The following DNAJB6 variants were observed in gnomAD, a reference collection of about 807,000 sequenced individuals.
DNAJB6 encodes the protein DnaJ heat shock protein family (Hsp40) member B6, also known as dnaJ homolog subfamily B member 6.
In DNAJB6, 16 loss-of-function variants were observed where a neutral mutation model predicts 42.7. That is an observed-to-expected ratio of 0.37 (90% CI 0.25 to 0.57). DNAJB6 has a LOEUF of 0.57. Ranked by LOEUF, DNAJB6 falls within the 20% of genes least tolerant of loss-of-function variation. The probability of loss-of-function intolerance (pLI) is 0.74; values close to 1 mark genes in which losing one functional copy is unlikely to be tolerated. For missense variants in DNAJB6, 347 were observed against 416.8 expected, an observed-to-expected ratio of 0.83 and a Z score of 1.46; for synonymous variants, 170 against 163.5, an observed-to-expected ratio of 1.04 and a Z score of -0.30.
At chr7:157,356,363 G>A (rs1263813364) in intron 1 of DNAJB6, among the ~76,000 whole-genome samples, 3 of 152,212 alleles carry the variant, frequency 2.0e-5, no homozygotes, top group Admixed American at 2.0e-4. Context: ...TGCCTGCTCT[G>A]TCTTGTGTGC....
At chr7:157,361,618 A>C (rs955482274) in intron 2 of DNAJB6, among the ~76,000 whole-genome samples, 1 of 152,230 alleles carries the variant, frequency 6.6e-6, no homozygotes, top group Admixed American at 6.5e-5. Flanking sequence ...CCTAGTGTTA[A>C]AAGCACTGTC....
At chr7:157,374,731 A>C (rs994779203) in intron 5 of DNAJB6, among the ~76,000 whole-genome samples, 1 of 152,206 alleles carries the variant, frequency 6.6e-6, no homozygotes, top group African/African-American at 2.4e-5. Context: ...GGTCATTTTG[A>C]GAATTTTCTG....
intron 5 of DNAJB6, among the ~76,000 whole-genome samples, chr7:157,374,392 G>A (rs867379281): frequency 6.6e-6 from 1 of 151,966 alleles, no homozygotes; most frequent in Non-Finnish European, 1.5e-5. Context: ...CCCAAGTAGC[G>A]GGGATTACAG....
At chr7:157,408,176 T>C (rs1321889410) in intron 8 of DNAJB6, among the ~76,000 whole-genome samples, 4 of 152,130 alleles carry the variant, frequency 2.6e-5, no homozygotes, top group African/African-American at 9.7e-5. Flanking sequence ...GGTGCAGCCA[T>C]CTCAGCAGGG....
intron 2 of DNAJB6, among the ~76,000 whole-genome samples, chr7:157,361,303 C>T (rs769093373): frequency 2.0e-5 from 3 of 151,920 alleles, no homozygotes; most frequent in Non-Finnish European, 2.9e-5. Flanking sequence ...GAACTGCAGG[C>T]GCCTGCCATG....
intron 5 of DNAJB6, among the ~76,000 whole-genome samples, chr7:157,369,973 T>TAACATTATTATTAAACAGGCCCCTTCTC (rs1800089943): frequency 2.7e-5 from 4 of 147,498 alleles, no homozygotes; most frequent in African/African-American, 1.0e-4. Context: ...GGCCCTTTCT[T>TAACATTATTATTAAACAGGCCCCTTCTC]AACATTATTA....
At chr7:157,384,523 A>C (rs138309838) in intron 6 of DNAJB6, among the ~76,000 whole-genome samples, 14 of 152,212 alleles carry the variant, frequency 9.2e-5, no homozygotes, top group Admixed American at 9.2e-4. Context: ...TCACATTAAC[A>C]CAACACGTGC....
intron 9 of DNAJB6, chr7:157,410,382 G>A (rs2116654916): frequency 2.6e-6 from 1 of 389,656 alleles, no homozygotes; most frequent in Non-Finnish European, 4.5e-6. Context: ...TGGGGTCTGC[G>A]TTTGCCCCTG....
rs536985328 is a variant in DNAJB6 at position 157,396,122 on chromosome 7, C to T, written c.691+10511C>T. Among the ~76,000 whole-genome samples the T allele has an allele frequency of 1.2e-4, 18 of 151,152 alleles. No individual in the cohort carries two copies. The South Asian group carries it at 2.3e-3, about 19-fold the overall frequency. The stretch of plus-strand genomic sequence containing the variant: ...GCCACCACGCCCAGCTAATATTTTG[C>T]ATTTTTAGGAGAGACAGAGTTTCAC... On this transcript the variant is annotated intron_variant, in intron 8 of 9. Transcript: ENST00000262177.
intron 8 of DNAJB6, among the ~76,000 whole-genome samples, chr7:157,407,432 A>G (rs1275555168): frequency 2.3e-4 from 35 of 152,280 alleles, no homozygotes; most frequent in Non-Finnish European, 5.9e-5. Flanking sequence ...TTTTTCTCAA[A>G]TGTTCTACTT....
intron 5 of DNAJB6, among the ~76,000 whole-genome samples, chr7:157,368,292 C>T (rs573329092): frequency 8.4e-4 from 128 of 152,256 alleles, no homozygotes; most frequent in African/African-American, 2.7e-3. Flanking sequence ...GGCATGGGTG[C>T]GAGTGTCTTG....
intron 8 of DNAJB6, among the ~76,000 whole-genome samples, chr7:157,386,956 C>T (rs914594506): frequency 2.6e-5 from 4 of 151,714 alleles, no homozygotes. Context: ...TTCATGATTA[C>T]CATTGGTAAC....
In DNAJB6 at chr7:157,409,693, G is replaced by A. The variant is rs530911809; in HGVS notation, c.692-102G>A. The A allele has an allele frequency of 2.5e-5, 33 of 1,304,906 alleles. No homozygotes were observed. In the African/African-American group the frequency reaches 4.5e-4, roughly 18 times the overall value. The allele number at this position is 1,304,906 out of a possible 1,614,324, so 80.8% of individuals were successfully genotyped here. ...TCTCCTGCCCGGAGATGGCGCGTCTGGATTCAGGGAGATCGTGCGGCCAGC... is the reference window on the plus strand; with the variant it reads ...TCTCCTGCCCGGAGATGGCGCGTCTAGATTCAGGGAGATCGTGCGGCCAGC... On this transcript the variant is annotated intron_variant, in intron 8 of 9. Transcript: ENST00000262177.
chr7:157,392,699 C>G (rs1034726366), intron 8 of DNAJB6, among the ~76,000 whole-genome samples: 4 of 152,134 alleles, frequency 2.6e-5, no homozygotes, highest in African/African-American at 7.2e-5. Flanking sequence ...ATGAAAGGTG[C>G]AGTCAGTGCG....
intron 3 of DNAJB6, among the ~76,000 whole-genome samples, chr7:157,365,176 A>G (rs1799782901): frequency 6.6e-6 from 1 of 151,786 alleles, no homozygotes; most frequent in Admixed American, 6.6e-5. Context: ...CTGGTCTTGA[A>G]CTCCTGGGCT....
chr7:157,353,269 T>G (rs1188163252), intron 1 of DNAJB6, among the ~76,000 whole-genome samples: 1 of 150,568 alleles, frequency 6.6e-6, no homozygotes, highest in Non-Finnish European at 1.5e-5. Flanking sequence ...CTTCGTCTTT[T>G]TGAAGTTTTT....
At chr7:157,396,839 C>G (rs1801609268) in intron 8 of DNAJB6, among the ~76,000 whole-genome samples, 1 of 152,024 alleles carries the variant, frequency 6.6e-6, no homozygotes. Context: ...TCAGACAGTT[C>G]AAGTCTAAGG....
chr7:157,404,220 C>T (rs1795659878), intron 8 of DNAJB6, among the ~76,000 whole-genome samples: 1 of 151,870 alleles, frequency 6.6e-6, no homozygotes, highest in Admixed American at 6.6e-5. Context: ...CTTTAGCCTC[C>T]ACTTTAGCCT....
rs1309055194 is a variant in DNAJB6, at chr7:157,366,520, A to G, written c.194A>G (p.Tyr65Cys). 3.7e-6 allele frequency: 6 copies of G among 1,613,942 alleles called. No individual in the cohort carries two copies. The highest frequency in any genetic ancestry group is 2.2e-5 in the East Asian group (1 of 44,862). ...TTTTTAGCTAAGAAACGGGACATCT[A>G]TGACAAATATGGCAAAGAAGGATTA... Reference protein sequence around the residue: ...VLSDAKKRDIYDKYGKEGLNG... With the variant: ...VLSDAKKRDICDKYGKEGLNG... The change falls in exon 4 of 10, where the codon TAT becomes TGT. Residue 65 changes from tyrosine to cysteine, a missense_variant. Physicochemically the swap from Tyr to Cys is radical, Grantham distance 194. This residue lies in a region of DNAJB6 where 78 missense variants were observed against 102.1 expected (regional missense o/e 0.76). Coordinates refer to ENST00000262177, the MANE Select transcript of DNAJB6 (RefSeq NM_058246.4).
Sources: allele counts gnomAD v4.1 joint callset (sites outside exome capture counted in the v4.1 genomes callset), GRCh38; gene constraint gnomAD v4.1.1; regional missense constraint gnomAD v4.1.1; transcripts MANE v1.5; gene names NCBI Gene and HGNC (gene_info 2026-07-23, HGNC 2026-07-21).